Variants in MAJIN observed in about 807,000 individuals in gnomAD.
The protein encoded by MAJIN is membrane-anchored junction protein.
Under a neutral mutation model 30.2 loss-of-function variants are expected in MAJIN, and 27 were observed. That is an observed-to-expected ratio of 0.89 (90% CI 0.66 to 1.23). The LOEUF (loss-of-function observed/expected upper bound fraction) is 1.23, where lower values mean the gene tolerates loss of function less well. MAJIN is among the 50% of genes most tolerant of loss of function. The pLI, the probability that MAJIN is intolerant of heterozygous loss-of-function variation, is 0.00. For missense variants in MAJIN, 253 were observed against 260.3 expected (o/e 0.97, Z 0.19); for synonymous variants, 78 against 91.6 (o/e 0.85, Z 0.85).
At chr11:64,961,281 C>A (rs1045170115) in intron 1 of MAJIN, among the ~76,000 whole-genome samples, 2 of 150,968 alleles carry the variant, frequency 1.3e-5, no homozygotes, top group African/African-American at 4.9e-5. Flanking sequence ...GATCCTCCTG[C>A]CTCAGCCTCC....
intron 3 of MAJIN, among the ~76,000 whole-genome samples, chr11:64,958,776 C>T (rs977209755): frequency 1.3e-5 from 2 of 151,898 alleles, no homozygotes; most frequent in African/African-American, 4.8e-5. Flanking sequence ...AGCCTCCTAC[C>T]ACCATGCCTG....
chr11:64,951,581 A>G (rs1261025337), intron 4 of MAJIN, among the ~76,000 whole-genome samples: 1 of 152,194 alleles, frequency 6.6e-6, no homozygotes, highest in Non-Finnish European at 1.5e-5. Context: ...CCTGGGCAAC[A>G]TGGCAATACT....
intron 1 of MAJIN, among the ~76,000 whole-genome samples, chr11:64,964,783 C>T (rs965780517): frequency 6.6e-6 from 1 of 151,858 alleles, no homozygotes; most frequent in Admixed American, 6.6e-5. Flanking sequence ...TATGGGGTTT[C>T]GCTATGTTGC....
rs541227000 is a variant in MAJIN at position 64,946,005 on chromosome 11, C to G, written c.473+1369G>C. The G allele has an allele frequency of 1.9e-5, 25 of 1,321,296 alleles. No individual in the cohort carries two copies. The Admixed American group carries it at 6.5e-4, about 34-fold the overall frequency. 81.8% of individuals were successfully genotyped at this position (1,321,296 alleles called of 1,614,324 possible). On this transcript the variant is annotated intron_variant, in intron 8 of 10. Transcript: ENST00000301896. Reference sequence around the variant, plus strand: ...CGAAAAACCAAGATGTGCTGGTAACCGGAATCCTGACTTGTAACAGAACAG... The same window carrying G: ...CGAAAAACCAAGATGTGCTGGTAACGGGAATCCTGACTTGTAACAGAACAG...
intron 1 of MAJIN, among the ~76,000 whole-genome samples, chr11:64,971,310 C>G (rs1469067866): frequency 6.6e-6 from 1 of 151,872 alleles, no homozygotes; most frequent in African/African-American, 2.4e-5. Context: ...GCCTGTAATC[C>G]CAGCTACTCA....
chr11:64,966,151 A>G (rs1565147345), intron 1 of MAJIN, among the ~76,000 whole-genome samples: 1 of 148,536 alleles, frequency 6.7e-6, no homozygotes. Flanking sequence ...AAATGAAAAA[A>G]AAAAAAAAAA....
intron 3 of MAJIN, among the ~76,000 whole-genome samples, chr11:64,957,369 T>C (rs1307212026): frequency 9.9e-5 from 15 of 152,112 alleles, no homozygotes. Context: ...AGTGAGCCAC[T>C]GCACCTAGCC....
At chr11:64,962,121 C>T (rs112882789) in intron 1 of MAJIN, among the ~76,000 whole-genome samples, 4,220 of 152,244 alleles carry the variant, frequency 0.028, 201 homozygotes, top group African/African-American at 0.096. Context: ...ACTTGCCTCC[C>T]GCCCCACCCC....
At chr11:64,960,022 C>G (rs1945698831) in intron 2 of MAJIN, 67 bp downstream of exon 2, 1 of 152,362 alleles carries the variant, frequency 6.6e-6, no homozygotes, top group Non-Finnish European at 1.5e-5. Context: ...ATCAATTACT[C>G]TTCCTTTCCC....
chr11:64,964,212 G>C (rs1320394932), intron 1 of MAJIN, among the ~76,000 whole-genome samples: 2 of 152,152 alleles, frequency 1.3e-5, no homozygotes, highest in African/African-American at 2.4e-5. Context: ...CCAAAGTGCT[G>C]GGATTACAGG....
At chr11:64,959,517 GT>G in intron 2 of MAJIN, 95 bp from the exon 3 acceptor site, 1 of 924,148 alleles carries the variant, frequency 1.1e-6, no homozygotes, top group South Asian at 1.5e-5. Context: ...CTCTTCATGA[GT>G]AAAATGTCCA....
chr11:64,962,846 G>A (rs115841166), intron 1 of MAJIN, among the ~76,000 whole-genome samples: 6,950 of 152,192 alleles, frequency 0.046, 182 homozygotes, highest in Middle Eastern at 0.065. Flanking sequence ...CAAATTCAAG[G>A]CCAGGCATGG....
At chr11:64,941,627 G>A (rs1045674030) in intron 8 of MAJIN, among the ~76,000 whole-genome samples, 1 of 152,124 alleles carries the variant, frequency 6.6e-6, no homozygotes, top group Non-Finnish European at 1.5e-5. Flanking sequence ...TCCAGCCTGG[G>A]GCGAGAGAGT....
intron 3 of MAJIN, among the ~76,000 whole-genome samples, chr11:64,958,614 A>AAG (rs1554972333): frequency 6.6e-6 from 1 of 150,954 alleles, no homozygotes; most frequent in African/African-American, 2.4e-5. Context: ...AAAAAAAAAA[A>AAG]AAAGAAAGAA....
chr11:64,943,332 G>A (rs1945405811), intron 8 of MAJIN, among the ~76,000 whole-genome samples: 1 of 152,220 alleles, frequency 6.6e-6, no homozygotes, highest in Non-Finnish European at 1.5e-5. Flanking sequence ...ACAAAGGCAA[G>A]GGGGTTTTCT....
intron 4 of MAJIN, 108 bp downstream of exon 4, chr11:64,954,649 G>T: frequency 9.1e-7 from 1 of 1,099,130 alleles, no homozygotes; most frequent in Non-Finnish European, 1.4e-6. Context: ...AGGAAGCCAA[G>T]TTATCAAGTG....
chr11:64,948,486 G>C (rs1945485122), intron 6 of MAJIN, among the ~76,000 whole-genome samples: 1 of 149,060 alleles, frequency 6.7e-6, no homozygotes, highest in Admixed American at 6.8e-5. Context: ...CAGAAGTGCA[G>C]TGGTGTGATC....
At chr11:64,961,412 C>G (rs1443404295) in intron 1 of MAJIN, among the ~76,000 whole-genome samples, 1 of 150,660 alleles carries the variant, frequency 6.6e-6, no homozygotes, top group East Asian at 1.9e-4. Flanking sequence ...GGTGATCTGC[C>G]TGCTTCGTCC....
Position 64,939,743 on chromosome 11 carries a change from G to T in MAJIN, c.571C>A (p.Gln191Lys). The T allele has an allele frequency of 6.2e-7, 1 of 1,613,956 alleles. No homozygotes were observed. Among genetic ancestry groups the T allele is most frequent in the Middle Eastern group, 1.7e-4 (1 of 6,058 alleles). The change falls in exon 10 of 11, where the codon CAG (glutamine) becomes AAG (lysine). Residue 191 changes from glutamine to lysine, a missense_variant. Physicochemically the swap from Gln to Lys is moderately conservative, Grantham distance 53 (BLOSUM62 1). Transcript: ENST00000301896. ...CTGCAGGGGTGGGACAATTCGCCCT[G>T]GCAGGCTGTGTCCCCACTCAGAATC... Reference protein sequence around the residue: ...NKILSGDTACQGELSHPCSTT... With the variant: ...NKILSGDTACKGELSHPCSTT...
Sources: gnomAD v4.1 joint callset for allele counts (sites outside exome capture counted in the v4.1 genomes callset) on GRCh38, gnomAD v4.1.1 for gene constraint, MANE v1.5 for transcripts, NCBI Gene and HGNC (gene_info 2026-07-23, HGNC 2026-07-21) for gene names.